The following GPAT4 variants were observed in gnomAD, a reference collection of about 807,000 sequenced individuals.
GPAT4 encodes glycerol-3-phosphate acyltransferase 4.
Under a neutral mutation model 58.0 loss-of-function variants are expected in GPAT4, and 17 were observed. That is an observed-to-expected ratio of 0.29 (90% CI 0.20 to 0.44). The LOEUF is 0.44. Among genes scored for constraint, GPAT4 ranks in the 20% least tolerant of loss-of-function variants. The pLI, the probability that GPAT4 is intolerant of heterozygous loss-of-function variation, is 1.00. For synonymous variants in GPAT4, 204 were observed against 210.1 expected (o/e 0.97, Z 0.25); for missense variants, 377 against 574.5 (o/e 0.66, Z 3.51).
At chr8:41,588,487 C>T (rs1388639451) in intron 1 of GPAT4, among the ~76,000 whole-genome samples, 2 of 151,952 alleles carry the variant, frequency 1.3e-5, no homozygotes, top group African/African-American at 2.4e-5. Context: ...TTCCTTTTCC[C>T]TTTCCTTTTC....
chr8:41,579,923 G>C (rs1033085283), intron 1 of GPAT4, among the ~76,000 whole-genome samples: 3 of 152,112 alleles, frequency 2.0e-5, no homozygotes, highest in Admixed American at 6.6e-5. Context: ...TTTTTTCTGA[G>C]CCCTTGGAGG....
chr8:41,605,644 G>A (rs1398233982), intron 2 of GPAT4, among the ~76,000 whole-genome samples: 1 of 152,124 alleles, frequency 6.6e-6, no homozygotes, highest in African/African-American at 2.4e-5. Context: ...GCGCAATCTT[G>A]GCTCACTGCA....
intron 1 of GPAT4, among the ~76,000 whole-genome samples, chr8:41,596,582 C>T (rs958434134): frequency 3.3e-5 from 5 of 152,248 alleles, no homozygotes; most frequent in African/African-American, 1.2e-4. Context: ...GAGCCTGCCA[C>T]ATGCTGCTCT....
chr8:41,594,684 T>C (rs1395432317), intron 1 of GPAT4, among the ~76,000 whole-genome samples: 1 of 151,984 alleles, frequency 6.6e-6, no homozygotes, highest in East Asian at 1.9e-4. Flanking sequence ...TAGCTGGGAC[T>C]ACAGGCGCCC....
intron 1 of GPAT4, among the ~76,000 whole-genome samples, chr8:41,582,444 TACACACACAC>T (rs71548104): frequency 9.2e-5 from 13 of 141,712 alleles, no homozygotes; most frequent in South Asian, 6.9e-4. Context: ...TGGGAAAGTA[TACACACACAC>T]ACACACACAC....
rs879603733 is a variant in GPAT4, at chr8:41,622,834, G to A, written c.*1833G>A. 7.2e-5 allele frequency: 11 copies of A among 152,202 alleles called. No individual in the cohort carries two copies. The highest frequency in any genetic ancestry group is 1.5e-4 in the Non-Finnish European group (10 of 68,036). The allele number at this position is 152,202 out of a possible 1,614,324, so 9.4% of individuals were successfully genotyped here. On this transcript the variant is annotated 3_prime_UTR_variant, in exon 13 of 13. Transcript: ENST00000396987. ...ATAAAGTCAGTGTTATGACTAATAA[G>A]TCTCTTAGGAACTGTTTTACAAAAT... is the stretch of plus-strand genomic sequence containing the variant.
chr8:41,610,681 C>G, intron 4 of GPAT4, 55 bp from the exon 5 acceptor site: 1 of 1,596,766 alleles, frequency 6.3e-7, no homozygotes, highest in Non-Finnish European at 8.5e-7. Flanking sequence ...ACCTTCAGTT[C>G]TGTACTTGGT....
chr8:41,603,796 A>T (rs1803173128), intron 2 of GPAT4, among the ~76,000 whole-genome samples: 1 of 152,150 alleles, frequency 6.6e-6, no homozygotes, highest in Non-Finnish European at 1.5e-5. Flanking sequence ...AACCAGGTGT[A>T]GGCAGCCCAG....
chr8:41,618,205 A>T (rs1803648649), intron 10 of GPAT4, among the ~76,000 whole-genome samples: 1 of 152,292 alleles, frequency 6.6e-6, no homozygotes, highest in East Asian at 1.9e-4. Context: ...CATATTTAAA[A>T]GTTGGTGTTT....
chr8:41,580,209 G>A (rs35654387), intron 1 of GPAT4, among the ~76,000 whole-genome samples: 35,541 of 152,148 alleles, frequency 0.23, 4,197 homozygotes, highest in East Asian at 0.29. Context: ...ATAGTTTTTA[G>A]GGAACATGAT....
In GPAT4 at chr8:41,578,212, C is replaced by CGCG. The variant is rs1483840796; in HGVS notation, c.-906_-904dup. Reference sequence around the variant, plus strand: ...CGCACGTCCTGACGCAGCTTGGGCCCGCGGCGGCGGCAAGGGCGGGAGGGA... The same window carrying CGCG: ...CGCACGTCCTGACGCAGCTTGGGCCCGCGGCGGCGGCGGCAAGGGCGGGAGGGA... On this transcript the variant is annotated 5_prime_UTR_variant, in exon 1 of 13. Transcript: ENST00000396987. The CGCG allele has an allele frequency of 6.6e-6, 1 of 151,698 alleles. No individual in the cohort carries two copies. Among genetic ancestry groups the CGCG allele is most frequent in the Non-Finnish European group, 1.5e-5 (1 of 68,034 alleles). The allele number at this position is 151,698 out of a possible 1,614,324, so 9.4% of individuals were successfully genotyped here.
chr8:41,605,827 C>T (rs1475839058), intron 2 of GPAT4, among the ~76,000 whole-genome samples: 2 of 152,312 alleles, frequency 1.3e-5, no homozygotes, highest in Non-Finnish European at 1.5e-5. Context: ...CCTCCTCAGC[C>T]TCCTAAAGTT....
chr8:41,585,933 G>A (rs756688527), intron 1 of GPAT4, among the ~76,000 whole-genome samples: 1 of 152,200 alleles, frequency 6.6e-6, no homozygotes, highest in African/African-American at 2.4e-5. Flanking sequence ...TATTCTTTTT[G>A]AACAACTTAA....
At chr8:41,619,015 C>T in intron 12 of GPAT4, 38 bp downstream of exon 12, 1 of 1,606,250 alleles carries the variant, frequency 6.2e-7, no homozygotes, top group Non-Finnish European at 8.5e-7. Flanking sequence ...TGAGTTTCTG[C>T]AGCAGATGCT....
intron 1 of GPAT4, among the ~76,000 whole-genome samples, chr8:41,580,870 C>T (rs1393991570): frequency 6.6e-6 from 1 of 152,126 alleles, no homozygotes; most frequent in Non-Finnish European, 1.5e-5. Flanking sequence ...TGTGGCTAGG[C>T]TCTTCAGAGG....
intron 1 of GPAT4, chr8:41,584,690 T>G (rs970985636): frequency 6.6e-6 from 1 of 152,168 alleles, no homozygotes; most frequent in Non-Finnish European, 1.5e-5. Flanking sequence ...TTGTCTTGGG[T>G]CTTAAAGCTC....
intron 1 of GPAT4, among the ~76,000 whole-genome samples, chr8:41,595,421 CT>C (rs1249836957): frequency 7.8e-6 from 1 of 128,846 alleles, no homozygotes; most frequent in Non-Finnish European, 1.6e-5. Context: ...TATTTTTCTA[CT>C]TTCTTCTGTT....
chr8:41,610,539 C>CT, intron 4 of GPAT4, 197 bp from the exon 5 acceptor site: 1 of 1,468,678 alleles, frequency 6.8e-7, no homozygotes, highest in Admixed American at 2.2e-5. Flanking sequence ...AGACCCATGG[C>CT]TCACTGTCAG....
intron 5 of GPAT4, 59 bp from the exon 6 acceptor site, chr8:41,611,844 A>C: frequency 6.5e-7 from 1 of 1,539,332 alleles, no homozygotes; most frequent in South Asian, 1.1e-5. Context: ...GAAGTCAGTA[A>C]CTCTTTCTGT....
Sources: gnomAD v4.1 joint callset for allele counts (sites outside exome capture counted in the v4.1 genomes callset) on GRCh38, gnomAD v4.1.1 for gene constraint, MANE v1.5 for transcripts, NCBI Gene and HGNC (gene_info 2026-07-23, HGNC 2026-07-21) for gene names.